The following ACAP2 variants were observed in gnomAD, a reference collection of about 807,000 sequenced individuals.
The protein encoded by ACAP2 is ArfGAP with coiled-coil, ankyrin repeat and PH domains 2.
In ACAP2, 39 loss-of-function variants were observed where a neutral mutation model predicts 115.8. That is an observed-to-expected ratio of 0.34 (90% CI 0.26 to 0.44). ACAP2 has a LOEUF of 0.44. Among genes scored for constraint, ACAP2 ranks in the 20% least tolerant of loss-of-function variants. The pLI, the probability that ACAP2 is intolerant of heterozygous loss-of-function variation, is 1.00. For missense variants in ACAP2, 662 were observed against 927.6 expected, an observed-to-expected ratio of 0.71 and a Z score of 3.72; for synonymous variants, 289 against 315.8, an observed-to-expected ratio of 0.92 and a Z score of 0.90.
intron 10 of ACAP2, among the ~76,000 whole-genome samples, chr3:195,316,984 G>C (rs887872801): frequency 3.8e-5 from 5 of 133,004 alleles, no homozygotes; most frequent in Admixed American, 1.8e-4. Context: ...TGCAGCCTCT[G>C]CCTCCTGGGT....
At chr3:195,325,441 T>TTA (rs1729726201) in intron 9 of ACAP2, 1 of 413,798 alleles carries the variant, frequency 2.4e-6, no homozygotes, top group African/African-American at 2.2e-5. Context: ...TTTTTTTTTT[T>TTA]ACCTGTAACG....
chr3:195,422,854 G>C (rs1714296878), intron 1 of ACAP2, among the ~76,000 whole-genome samples: 2 of 152,086 alleles, frequency 1.3e-5, no homozygotes, highest in Middle Eastern at 3.2e-3. Flanking sequence ...ATACGACTGA[G>C]ACTTCTCCTA....
At chr3:195,311,964 T>C (rs1048917070) in intron 10 of ACAP2, among the ~76,000 whole-genome samples, 118 of 151,006 alleles carry the variant, frequency 7.8e-4, no homozygotes, top group Non-Finnish European at 1.5e-3. Context: ...TACTTTAAAA[T>C]ATATTTGTTG....
intron 1 of ACAP2, among the ~76,000 whole-genome samples, chr3:195,393,560 C>G (rs1039117908): frequency 6.6e-6 from 1 of 152,198 alleles, no homozygotes; most frequent in African/African-American, 2.4e-5. Context: ...AACAGAAATA[C>G]TTCTTCCTGA....
At chr3:195,411,578 T>C (rs1291670947) in intron 1 of ACAP2, among the ~76,000 whole-genome samples, 1 of 152,218 alleles carries the variant, frequency 6.6e-6, no homozygotes, top group Non-Finnish European at 1.5e-5. Context: ...GAAACAATTT[T>C]CACATCAAAA....
Position 195,307,219 on chromosome 3 carries a change from T to C in ACAP2, c.1010+4A>G, listed in dbSNP as rs563181115. 3 of 1,609,986 alleles carry C rather than the reference T, an allele frequency of 1.9e-6. No individual in the cohort carries two copies. In the African/African-American group the frequency reaches 4.0e-5, roughly 21 times the overall value. The stretch of plus-strand genomic sequence containing the variant: ...CAAATCACAGATCCTTTAGAACCAC[T>C]TACTTTGTTGGCGAGACCACCTCAA... On this transcript the variant is annotated splice_donor_region_variant and intron_variant, in intron 12 of 22. Transcript: ENST00000326793.
chr3:195,401,687 G>T (rs1041783700), intron 1 of ACAP2, among the ~76,000 whole-genome samples: 1 of 152,090 alleles, frequency 6.6e-6, no homozygotes, highest in African/African-American at 2.4e-5. Context: ...GAAGACTACA[G>T]AACAGTAACG....
At chr3:195,372,091 C>T (rs369285854) in intron 4 of ACAP2, among the ~76,000 whole-genome samples, 5 of 152,088 alleles carry the variant, frequency 3.3e-5, no homozygotes, top group African/African-American at 7.2e-5. Context: ...AGTTATTTTA[C>T]GAGATTAGTT....
intron 4 of ACAP2, among the ~76,000 whole-genome samples, chr3:195,365,110 T>C (rs1732627810): frequency 6.6e-6 from 1 of 152,176 alleles, no homozygotes; most frequent in Non-Finnish European, 1.5e-5. Context: ...AGAATGATGG[T>C]TAGCAGAGGC....
intron 6 of ACAP2, among the ~76,000 whole-genome samples, chr3:195,337,856 C>T (rs933386359): frequency 2.7e-5 from 4 of 149,028 alleles, no homozygotes; most frequent in African/African-American, 9.7e-5. Flanking sequence ...TACCTTACCT[C>T]TTCGACCTAG....
chr3:195,356,026 C>T, intron 4 of ACAP2: 1 of 445,076 alleles, frequency 2.2e-6, no homozygotes, highest in Non-Finnish European at 4.6e-6. Flanking sequence ...ACACAAAAAG[C>T]ACCTTCATAA....
Position 195,279,168 on chromosome 3 carries a change from C to T in ACAP2, c.*160G>A. Reference sequence around the variant, plus strand: ...AGGTTCCTCTCCTACTACTAGATAACTATGTTTTAATTTATAAATATATGA... The same window carrying T: ...AGGTTCCTCTCCTACTACTAGATAATTATGTTTTAATTTATAAATATATGA... On this transcript the variant is annotated 3_prime_UTR_variant, in exon 23 of 23. Transcript: ENST00000326793. 1 of 518,980 alleles carries T rather than the reference C, an allele frequency of 1.9e-6. No individual in the cohort carries two copies. Among genetic ancestry groups the T allele is most frequent in the Non-Finnish European group, 3.3e-6 (1 of 299,042 alleles). 32.1% of individuals were successfully genotyped at this position (518,980 alleles called of 1,614,324 possible).
At chr3:195,390,152 G>A (rs1363472562) in intron 2 of ACAP2, among the ~76,000 whole-genome samples, 7 of 151,988 alleles carry the variant, frequency 4.6e-5, no homozygotes, top group African/African-American at 7.3e-5. Flanking sequence ...AGCCGAGATC[G>A]CGCCACTGCA....
chr3:195,358,231 T>G (rs1364599241), intron 4 of ACAP2, among the ~76,000 whole-genome samples: 1 of 152,178 alleles, frequency 6.6e-6, no homozygotes, highest in African/African-American at 2.4e-5. Flanking sequence ...CTAAGTAGGT[T>G]TGAATACTTG....
Position 195,333,105 on chromosome 3 carries a change from C to T in ACAP2, c.592G>A (p.Ala198Thr). The change falls in exon 8 of 23, where the codon GCC becomes ACC. Residue 198 changes from alanine to threonine, a missense_variant. Ala to Thr is a moderately conservative substitution (Grantham distance 58). Transcript: ENST00000326793. ...CCTTGATGAAAGAAGGCCAAATGGGCATACATAAATGACAACATCTAATAG... is the reference window on the plus strand; with the variant it reads ...CCTTGATGAAAGAAGGCCAAATGGGTATACATAAATGACAACATCTAATAG... ...ILKSMLSFMY[A>T]HLAFFHQGYD... 6.2e-7 allele frequency: 1 copy of T among 1,604,488 alleles called. No individual in the cohort carries two copies. The highest frequency in any genetic ancestry group is 8.5e-7 in the Non-Finnish European group (1 of 1,175,342).
intron 1 of ACAP2, among the ~76,000 whole-genome samples, chr3:195,424,432 T>C (rs1166001764): frequency 1.3e-5 from 2 of 150,576 alleles, no homozygotes. Context: ...GTAGCTGGGA[T>C]TACAGGCGCC....
chr3:195,425,350 T>C (rs1009769109), intron 1 of ACAP2, among the ~76,000 whole-genome samples: 1 of 152,174 alleles, frequency 6.6e-6, no homozygotes, highest in African/African-American at 2.4e-5. Flanking sequence ...AATTCATCAA[T>C]TGTACAATAA....
chr3:195,310,551 T>C (rs1477522590), intron 10 of ACAP2, among the ~76,000 whole-genome samples: 2 of 152,268 alleles, frequency 1.3e-5, no homozygotes, highest in African/African-American at 4.8e-5. Context: ...ATTTGTTTTA[T>C]ATCATAGTAA....
In ACAP2 at chr3:195,290,356, C is replaced by T. The variant is rs1727160321; in HGVS notation, c.2064-1125G>A. Among the ~76,000 whole-genome samples the T allele has an allele frequency of 2.0e-5, 3 of 151,810 alleles. No homozygotes were observed. In the South Asian group the frequency reaches 6.3e-4, roughly 32 times the overall value. ...AACAGTCACCACACTCCAACGTGAG[C>T]AACATAGTGAGACTCCCATCTCTTA... On this transcript the variant is annotated intron_variant, in intron 20 of 22. Transcript: ENST00000326793.
Sources: allele counts gnomAD v4.1 joint callset (sites outside exome capture counted in the v4.1 genomes callset), GRCh38; gene constraint gnomAD v4.1.1; transcripts MANE v1.5; gene names NCBI Gene and HGNC (gene_info 2026-07-23, HGNC 2026-07-21).